LAMA2: variants seen among roughly 807,000 people sequenced by gnomAD.
LAMA2 encodes laminin subunit alpha 2.
In LAMA2, 269 loss-of-function variants were observed where a neutral mutation model predicts 364.8. That is an observed-to-expected ratio of 0.74 (90% CI 0.67 to 0.82). LAMA2 has a LOEUF of 0.82. LAMA2 is among the 40% of genes least tolerant of loss of function. LAMA2 has a pLI of 0.00. For synonymous variants in LAMA2, 1,379 were observed against 1,370.6 expected (o/e 1.01, Z -0.14); for missense variants, 3,807 against 3,873.2 (o/e 0.98, Z 0.45).
At chr6:129,158,543 C>T in intron 8 of LAMA2, 1 of 1,614,018 alleles carries the variant, frequency 6.2e-7, no homozygotes, top group Non-Finnish European at 8.5e-7. Context: ...CATCCTGTTC[C>T]AAATCACGAT....
intron 4 of LAMA2, among the ~76,000 whole-genome samples, chr6:129,133,976 G>A (rs1777644141): frequency 6.6e-6 from 1 of 152,108 alleles, no homozygotes; most frequent in Non-Finnish European, 1.5e-5. Context: ...TCCTGTCTAG[G>A]TTTTGTTCCA....
At chr6:128,988,460 T>G (rs1260960698) in intron 1 of LAMA2, among the ~76,000 whole-genome samples, 10 of 152,186 alleles carry the variant, frequency 6.6e-5, no homozygotes. Flanking sequence ...CTAAGGGTGT[T>G]TGGGTTATTT....
chr6:129,040,506 G>A (rs1787014152), intron 1 of LAMA2, among the ~76,000 whole-genome samples: 3 of 152,090 alleles, frequency 2.0e-5, no homozygotes, highest in African/African-American at 7.2e-5. Context: ...GCTTGCACCT[G>A]TAGTTCTAGC....
rs141818479 is a variant in LAMA2, at chr6:129,094,315, A to G, written c.397-3858A>G. On this transcript the variant is annotated intron_variant, in intron 3 of 64. Transcript: ENST00000421865. ...TAATTAATTTTGCATGGAATGTGAA[A>G]GAACCCATAGAAAATAAATGAAAGA... Among the ~76,000 whole-genome samples the G allele has an allele frequency of 6.0e-4, 92 of 152,370 alleles. No homozygotes were observed. The East Asian group carries it at 0.014, about 24-fold the overall frequency.
In LAMA2 at chr6:129,260,936, G is replaced by T; in HGVS notation, c.2208+114G>T. On this transcript the variant is annotated intron_variant, in intron 15 of 64. Transcript: ENST00000421865. ...CTATCAATAATTACACAAATAATGT[G>T]TATCACTTAAAAACAAAACTTGAAT... The T allele has an allele frequency of 6.9e-6, 5 of 722,078 alleles. No homozygotes were observed. The South Asian group carries it at 7.4e-5, about 11-fold the overall frequency. The allele number at this position is 722,078 out of a possible 1,614,324, so 44.7% of individuals were successfully genotyped here. A position where few individuals can be genotyped will look rare whatever the true frequency, so the allele number is the denominator to read the frequency against.
intron 12 of LAMA2, among the ~76,000 whole-genome samples, chr6:129,248,294 G>C (rs900632915): frequency 3.3e-5 from 5 of 152,200 alleles, no homozygotes; most frequent in African/African-American, 1.2e-4. Context: ...AAGGTGGGGA[G>C]TGCTGCAAGT....
chr6:129,167,211 G>T (rs1779803662), intron 9 of LAMA2, among the ~76,000 whole-genome samples: 2 of 151,338 alleles, frequency 1.3e-5, no homozygotes, highest in Non-Finnish European at 2.9e-5. Flanking sequence ...TGCACAATGT[G>T]CAGGTTAGTT....
At chr6:129,343,175 A>G (rs1387882927) in intron 30 of LAMA2, among the ~76,000 whole-genome samples, 1 of 152,168 alleles carries the variant, frequency 6.6e-6, no homozygotes, top group Non-Finnish European at 1.5e-5. Flanking sequence ...AGTGATTTAT[A>G]GACTTCAGTA....
At chr6:129,504,873 G>C (rs1785932442) in intron 60 of LAMA2, among the ~76,000 whole-genome samples, 3 of 152,174 alleles carry the variant, frequency 2.0e-5, no homozygotes, top group Admixed American at 6.5e-5. Flanking sequence ...ATTTATGAAA[G>C]TGCTATTAGT....
chr6:128,890,002 A>G (rs1582608315), intron 1 of LAMA2, among the ~76,000 whole-genome samples: 1 of 152,188 alleles, frequency 6.6e-6, no homozygotes, highest in East Asian at 1.9e-4. Flanking sequence ...AATCTATGCA[A>G]ATTCCTGATG....
chr6:129,050,529 G>A (rs1273206059), intron 2 of LAMA2, among the ~76,000 whole-genome samples: 1 of 152,192 alleles, frequency 6.6e-6, no homozygotes, highest in Non-Finnish European at 1.5e-5. Context: ...GCAGAAGAGA[G>A]AGGATGGCCA....
At chr6:129,218,039 A>G (rs1783542531) in intron 12 of LAMA2, among the ~76,000 whole-genome samples, 1 of 152,102 alleles carries the variant, frequency 6.6e-6, no homozygotes, top group Non-Finnish European at 1.5e-5. Context: ...ATCTTTTAAC[A>G]TAAGTGCAGA....
intron 4 of LAMA2, among the ~76,000 whole-genome samples, chr6:129,143,587 A>T (rs925937560): frequency 1.3e-5 from 2 of 152,036 alleles, no homozygotes; most frequent in East Asian, 3.9e-4. Context: ...TTTTCAGAGA[A>T]AGAATGATTA....
chr6:128,922,198 T>C (rs1778783037), intron 1 of LAMA2, among the ~76,000 whole-genome samples: 1 of 151,618 alleles, frequency 6.6e-6, no homozygotes, highest in Admixed American at 6.6e-5. Context: ...AGCAGCATGA[T>C]TTATAGTCCT....
At chr6:129,038,179 T>G (rs1156445517) in intron 1 of LAMA2, among the ~76,000 whole-genome samples, 1 of 152,210 alleles carries the variant, frequency 6.6e-6, no homozygotes, top group African/African-American at 2.4e-5. Flanking sequence ...ATCATGGTCA[T>G]TGTACAACCA....
chr6:129,479,182 A>AT (rs1403386518), intron 54 of LAMA2, among the ~76,000 whole-genome samples: 3 of 151,766 alleles, frequency 2.0e-5, no homozygotes, highest in African/African-American at 4.8e-5. Context: ...GCAACCTTAC[A>AT]TTTTTTCTGG....
chr6:129,181,501 A>G (rs903046682), intron 10 of LAMA2, among the ~76,000 whole-genome samples: 1 of 152,024 alleles, frequency 6.6e-6, no homozygotes, highest in South Asian at 2.1e-4. Context: ...TTAAAATTCA[A>G]AAGTAACCAG....
At chr6:129,213,230 A>C (rs1280001805) in intron 12 of LAMA2, among the ~76,000 whole-genome samples, 1 of 152,130 alleles carries the variant, frequency 6.6e-6, no homozygotes, top group Non-Finnish European at 1.5e-5. Context: ...AGCTCTGAAT[A>C]CTATTTTGTT....
intron 4 of LAMA2, among the ~76,000 whole-genome samples, chr6:129,103,005 CCTAATACAGCAGGGCTGTCAAAAGA>C (rs1276620310): frequency 6.6e-6 from 1 of 152,178 alleles, no homozygotes; most frequent in Non-Finnish European, 1.5e-5. Flanking sequence ...CTTTTGTCCT[CCTAATACAGCAGGGCTGTCAAAAGA>C]GCTGCTCAGT....
Sources: gnomAD v4.1 joint callset for allele counts (sites outside exome capture counted in the v4.1 genomes callset) on GRCh38, gnomAD v4.1.1 for gene constraint, MANE v1.5 for transcripts, NCBI Gene and HGNC (gene_info 2026-07-23, HGNC 2026-07-21) for gene names.